The following KCNQ2 variants were observed in gnomAD, a reference collection of about 807,000 sequenced individuals.
KCNQ2 encodes potassium voltage-gated channel subfamily KQT member 2.
Under a neutral mutation model 84.8 loss-of-function variants are expected in KCNQ2, and 14 were observed. That is an observed-to-expected ratio of 0.17 (90% confidence interval 0.11 to 0.26). The LOEUF (loss-of-function observed/expected upper bound fraction) is 0.26, where lower values mean the gene tolerates loss of function less well. Among genes scored for constraint, KCNQ2 ranks in the 10% least tolerant of loss-of-function variants. The pLI, the probability that KCNQ2 is intolerant of heterozygous loss-of-function variation, is 1.00. For synonymous variants in KCNQ2, 599 were observed against 554.1 expected (o/e 1.08, Z -1.14); for missense variants, 788 against 1,254.0 (o/e 0.63, Z 5.61).
intron 14 of KCNQ2, among the ~76,000 whole-genome samples, 178 bp from the exon 15 acceptor site, chr20:63,413,759 G>A (rs1046265960): frequency 1.3e-4 from 18 of 139,806 alleles, no homozygotes; most frequent in African/African-American, 3.9e-4. Flanking sequence ...GCTCTGCCCG[G>A]GACAGGTGGG....
chr20:63,408,661 G>A lies in KCNQ2; in HGVS notation c.1764-125C>T. The A allele has an allele frequency of 7.1e-7, 1 of 1,417,716 alleles. No individual in the cohort carries two copies. Among genetic ancestry groups the A allele is most frequent in the South Asian group, 1.2e-5 (1 of 81,030 alleles). The allele number at this position is 1,417,716 out of a possible 1,614,324, so 87.8% of individuals were successfully genotyped here. A position where few individuals can be genotyped will look rare whatever the true frequency, so the allele number is the denominator to read the frequency against. ...TGCAGGCTCAGCCCAGAGCCGACCA[G>A]GGGGCAGTGGGTGCCAGGACAGATG... On this transcript the variant is annotated intron_variant, in intron 15 of 16. Transcript: ENST00000359125. This position sits in a 1 kb window ranked among gnomAD's most constrained non-coding sequence, Gnocchi z 5.0.
intron 15 of KCNQ2, among the ~76,000 whole-genome samples, chr20:63,411,259 A>G (rs2080112175): frequency 6.6e-6 from 1 of 152,206 alleles, no homozygotes; most frequent in Non-Finnish European, 1.5e-5. Context: ...GAAGAGACAC[A>G]GAGATGCGGC....
At chr20:63,443,559 T>TCAC (rs1190170973) in intron 4 of KCNQ2, 2 of 106,126 alleles carry the variant, frequency 1.9e-5, no homozygotes, top group East Asian at 3.2e-4. Flanking sequence ...ATCATGACCA[T>TCAC]CACCACCACC....
At position 63,406,931 on chromosome 20, in the gene KCNQ2, CG is replaced by C; in HGVS notation, c.2331del (p.Glu778ArgfsTer152). 2 of 1,600,884 alleles carry C rather than the reference CG, an allele frequency of 1.2e-6. No homozygotes were observed. Among genetic ancestry groups the C allele is most frequent in the Non-Finnish European group, 8.5e-7 (1 of 1,176,136 alleles). On this transcript the variant is annotated frameshift_variant, in exon 17 of 17. Transcript: ENST00000359125. LOFTEE classifies it high-confidence loss of function. ...GTGTCGCTGTCCCGCAGGTTCCCCT[CG>C]GGGGGCCTGCAGCCCGGGGTGTCCT... ...RQEDTPGCRP[P>X]EGNLRDSDTS...
rs906654595 is a variant in KCNQ2 at position 63,446,935 on chromosome 20, G to A, written c.297-98C>T. On this transcript the variant is annotated intron_variant, in intron 1 of 16. Transcript: ENST00000359125. The surrounding 1 kb of genome is among the most constrained non-coding windows in gnomAD (Gnocchi z 5.5). ...GGACCCCACTCCCCACCAGGCCGCAGCAGGGCACCAGCATGGCCGCGTCTC... is the reference window on the plus strand; with the variant it reads ...GGACCCCACTCCCCACCAGGCCGCAACAGGGCACCAGCATGGCCGCGTCTC... The A allele has an allele frequency of 8.4e-6, 9 of 1,066,480 alleles. No homozygotes were observed. Among genetic ancestry groups the A allele is most frequent in the Admixed American group, 1.7e-5 (1 of 58,600 alleles). The allele number at this position is 1,066,480 out of a possible 1,614,324, so 66.1% of individuals were successfully genotyped here.
chr20:63,410,591 C>A (rs2080092930), intron 15 of KCNQ2, among the ~76,000 whole-genome samples: 1 of 152,126 alleles, frequency 6.6e-6, no homozygotes, highest in African/African-American at 2.4e-5. Flanking sequence ...AGCAGGGAAC[C>A]CGGCAAACTC....
At chr20:63,436,267 C>G (rs947685110) in intron 7 of KCNQ2, among the ~76,000 whole-genome samples, 4 of 152,216 alleles carry the variant, frequency 2.6e-5, no homozygotes, top group African/African-American at 9.6e-5. Context: ...CGCAGTGGCT[C>G]ACGCCTGTAA....
chr20:63,421,175 A>C (rs2080459714), intron 11 of KCNQ2, among the ~76,000 whole-genome samples: 1 of 152,154 alleles, frequency 6.6e-6, no homozygotes, highest in Admixed American at 6.5e-5. Flanking sequence ...CCCCAGCATG[A>C]TCGCCTTGAC....
intron 1 of KCNQ2, chr20:63,449,193 G>A (rs1346919955): frequency 6.6e-6 from 1 of 152,296 alleles, no homozygotes; most frequent in Non-Finnish European, 1.5e-5. Flanking sequence ...GACACATAAT[G>A]TGAGCACCTG....
intron 11 of KCNQ2, among the ~76,000 whole-genome samples, chr20:63,420,822 C>T (rs1201146413): frequency 2.1e-5 from 3 of 141,816 alleles, no homozygotes; most frequent in Admixed American, 1.4e-4. Flanking sequence ...AGTACACAAG[C>T]GACTTTGGGG....
At position 63,401,265 on chromosome 20, in the gene KCNQ2, C is replaced by T. The variant is rs1042225634; in HGVS notation, c.*5379G>A. ...CTCCACCGTTGCCCACAACCTCCCC[C>T]GGCGATGTCACCTCCTCCCAGGGTC... On this transcript the variant is annotated 3_prime_UTR_variant, in exon 17 of 17. Coordinates refer to ENST00000359125, the MANE Select transcript of KCNQ2 (RefSeq NM_172107.4). 11 of 181,602 alleles carry T rather than the reference C, an allele frequency of 6.1e-5. No individual in the cohort carries two copies. Among genetic ancestry groups the T allele is most frequent in the African/African-American group, 2.3e-4 (10 of 42,650 alleles). The allele number at this position is 181,602 out of a possible 1,614,324, so 11.2% of individuals were successfully genotyped here.
chr20:63,401,999 C>T lies in KCNQ2; in HGVS notation c.*4645G>A, dbSNP rs2079819344. 1 of 178,766 alleles carries T rather than the reference C, an allele frequency of 5.6e-6. No homozygotes were observed. The highest frequency in any genetic ancestry group is 1.2e-5 in the Non-Finnish European group (1 of 83,766). 11.1% of individuals were successfully genotyped at this position (178,766 alleles called of 1,614,324 possible). On this transcript the variant is annotated 3_prime_UTR_variant, in exon 17 of 17. Coordinates refer to ENST00000359125, the MANE Select transcript of KCNQ2 (RefSeq NM_172107.4). ...CTCATGAGCCATCTCTCTCCCACCA[C>T]ATCTGCCGGGCACCCTCCATGGCAG...
Position 63,414,237 on chromosome 20 carries a change from A to T in KCNQ2, c.1526-44T>A, listed in dbSNP as rs2080215865. On this transcript the variant is annotated intron_variant, in intron 13 of 16. Transcript: ENST00000359125. The surrounding 1 kb of genome is among the most constrained non-coding windows in gnomAD (Gnocchi z 6.6). ...GCCGTGAGGGGCCGAGGGGGCCGGGAGACCTATTCCCGGGGTCCTGCAGGG... is the reference window on the plus strand; with the variant it reads ...GCCGTGAGGGGCCGAGGGGGCCGGGTGACCTATTCCCGGGGTCCTGCAGGG... 6.9e-7 allele frequency: 1 copy of T among 1,442,928 alleles called. No homozygotes were observed. The highest frequency in any genetic ancestry group is 9.7e-7 in the Non-Finnish European group (1 of 1,026,446). The allele number at this position is 1,442,928 out of a possible 1,614,324, so 89.4% of individuals were successfully genotyped here. A position where few individuals can be genotyped will look rare whatever the true frequency, so the allele number is the denominator to read the frequency against.
At chr20:63,467,833 C>T (rs145717968) in intron 1 of KCNQ2, among the ~76,000 whole-genome samples, 280 of 152,290 alleles carry the variant, frequency 1.8e-3, no homozygotes, top group Non-Finnish European at 2.7e-3. Flanking sequence ...GCCGAGAATC[C>T]TTAGTGCCCA....
intron 1 of KCNQ2, chr20:63,447,375 C>T (rs2081461633): frequency 6.4e-6 from 1 of 156,892 alleles, no homozygotes; most frequent in Non-Finnish European, 1.4e-5. Context: ...CCTCGGATCA[C>T]CTTCTTTCCA....
In KCNQ2 at chr20:63,472,538, A is replaced by C. The variant is rs1367810787; in HGVS notation, c.-75T>G. On this transcript the variant is annotated 5_prime_UTR_variant, in exon 1 of 17. Transcript: ENST00000359125. ...GAGCGCGGGGGGCGGCGCGGGCCCC[A>C]GCCCAGGCCCCCCGGCCGGGAGCCG... 1 of 1,216,652 alleles carries C rather than the reference A, an allele frequency of 8.2e-7. No homozygotes were observed. The allele number at this position is 1,216,652 out of a possible 1,614,324, so 75.4% of individuals were successfully genotyped here.
At chr20:63,426,591 G>T (rs1187250726) in intron 10 of KCNQ2, among the ~76,000 whole-genome samples, 1 of 151,712 alleles carries the variant, frequency 6.6e-6, no homozygotes, top group African/African-American at 2.4e-5. Flanking sequence ...ATGAGCAGCA[G>T]AAATAAATTA....
chr20:63,470,988 C>T (rs2001453), intron 1 of KCNQ2: 13,860 of 152,318 alleles, frequency 0.091, 1,069 homozygotes, highest in East Asian at 0.45. Context: ...CCTGGCATTT[C>T]CCTCTGGGAT....
chr20:63,416,817 G>A (rs770073089), intron 12 of KCNQ2, among the ~76,000 whole-genome samples: 13 of 151,964 alleles, frequency 8.6e-5, no homozygotes, highest in Non-Finnish European at 1.8e-4. Flanking sequence ...CACCGCGCCC[G>A]TCTGCCTGGC....
Sources: gnomAD v4.1 joint callset for allele counts (sites outside exome capture counted in the v4.1 genomes callset) on GRCh38, gnomAD v4.1.1 for gene constraint, Gnocchi (gnomAD v3.1) non-coding constraint, MANE v1.5 for transcripts, NCBI Gene and HGNC (gene_info 2026-07-23, HGNC 2026-07-21) for gene names.